GRIN2A: variants seen among roughly 807,000 people sequenced by gnomAD.
GRIN2A encodes the protein glutamate receptor ionotropic, NMDA 2A.
A neutral mutation model predicts 113.4 loss-of-function variants in GRIN2A; 22 were observed. The ratio of observed to expected loss-of-function variants is 0.19; its 90% confidence interval spans 0.14 to 0.28. The LOEUF is 0.28. Ranked by LOEUF, GRIN2A falls within the 10% of genes least tolerant of loss-of-function variation. The probability of loss-of-function intolerance (pLI) is 1.00; values close to 1 mark genes in which losing one functional copy is unlikely to be tolerated. For missense variants in GRIN2A, 1,502 were observed against 1,887.0 expected, an observed-to-expected ratio of 0.80 and a Z score of 3.78; for synonymous variants, 827 against 738.4, an observed-to-expected ratio of 1.12 and a Z score of -1.94.
chr16:9,877,114 T>C (rs1015312246), intron 4 of GRIN2A, among the ~76,000 whole-genome samples: 1 of 152,186 alleles, frequency 6.6e-6, no homozygotes, highest in African/African-American at 2.4e-5. Context: ...ATTTGAATCC[T>C]TTCTCAGCTA....
rs562833508 is a variant in GRIN2A at position 9,769,950 on chromosome 16, C to T, written c.2357-861G>A. ...ATTGAAAAGAGACATCCAGCTGGCT[C>T]TGAATGGCCCCTTGCAAACTAAACT... On this transcript the variant is annotated intron_variant, in intron 11 of 12. Transcript: ENST00000330684. Among the ~76,000 whole-genome samples, 9 of 152,302 alleles carry T rather than the reference C, an allele frequency of 5.9e-5. No homozygotes were observed. The East Asian group carries it at 1.7e-3, about 29-fold the overall frequency.
At chr16:10,125,571 G>A (rs2048915571) in intron 2 of GRIN2A, among the ~76,000 whole-genome samples, 1 of 149,838 alleles carries the variant, frequency 6.7e-6, no homozygotes, top group African/African-American at 2.5e-5. Flanking sequence ...CAGCAAGTCT[G>A]AAGGCTGAGA....
chr16:10,155,850 A>T (rs557584289), intron 2 of GRIN2A, among the ~76,000 whole-genome samples: 1 of 152,290 alleles, frequency 6.6e-6, no homozygotes, highest in South Asian at 2.1e-4. Flanking sequence ...CACGGGAAAG[A>T]CCTGCCCCCA....
Position 10,057,710 on chromosome 16 carries a change from AC to A in GRIN2A, c.415-119160del, listed in dbSNP as rs368070869. Among the ~76,000 whole-genome samples the A allele has an allele frequency of 1.5e-4, 23 of 152,120 alleles. No individual in the cohort carries two copies. In the South Asian group the frequency reaches 4.8e-3, roughly 32 times the overall value. On this transcript the variant is annotated intron_variant, in intron 2 of 12. Transcript: ENST00000330684. ...ATTGGGCTTTGGGTAAGTGCTACAC[AC>A]TCTCAGAGGACAGGGAGTCCACTGA...
intron 5 of GRIN2A, among the ~76,000 whole-genome samples, chr16:9,846,497 G>A (rs563506908): frequency 1.9e-4 from 29 of 152,282 alleles, no homozygotes; most frequent in East Asian, 1.5e-3. Flanking sequence ...TGCATCTTGT[G>A]TGATAATAGC....
At chr16:10,123,336 CT>C (rs926362171) in intron 2 of GRIN2A, among the ~76,000 whole-genome samples, 2 of 152,012 alleles carry the variant, frequency 1.3e-5, no homozygotes, top group African/African-American at 2.4e-5. Flanking sequence ...GAAGCAGCCT[CT>C]TTTTTTTAAA....
At chr16:9,816,022 C>G (rs1398674184) in intron 10 of GRIN2A, among the ~76,000 whole-genome samples, 5 of 152,120 alleles carry the variant, frequency 3.3e-5, no homozygotes, top group Non-Finnish European at 7.4e-5. Context: ...AGACAAATAC[C>G]GTATGATTCC....
At chr16:10,108,714 T>C (rs947834963) in intron 2 of GRIN2A, among the ~76,000 whole-genome samples, 10 of 152,196 alleles carry the variant, frequency 6.6e-5, no homozygotes, top group Non-Finnish European at 7.3e-5. Flanking sequence ...TGTGCTAGCA[T>C]ACTTGGAAAC....
At chr16:10,100,987 G>A (rs932594136) in intron 2 of GRIN2A, among the ~76,000 whole-genome samples, 1 of 152,198 alleles carries the variant, frequency 6.6e-6, no homozygotes, top group African/African-American at 2.4e-5. Context: ...GGGGGTGCAG[G>A]TTACTGACAT....
chr16:10,039,765 GGAGGGA>G lies in GRIN2A; in HGVS notation c.415-101220_415-101215del, dbSNP rs1224493162. 8.0e-5 allele frequency among the ~76,000 whole-genome samples: 9 copies of G among 112,964 alleles called. No homozygotes were observed. In the East Asian group the frequency reaches 1.9e-3, roughly 24 times the overall value. The allele number at this position is 112,964 out of a possible 152,430, so 74.1% of individuals were successfully genotyped here. The stretch of plus-strand genomic sequence containing the variant: ...TGAGGAGCCTGAGCAAATGTGCAAG[GGAGGGA>G]GAGGGAGGGGGAGGGGGAGGGGGAG... On this transcript the variant is annotated intron_variant, in intron 2 of 12. Coordinates refer to ENST00000330684, the MANE Select transcript of GRIN2A (RefSeq NM_001134407.3).
At chr16:10,077,852 T>A (rs1418323414) in intron 2 of GRIN2A, among the ~76,000 whole-genome samples, 3 of 152,222 alleles carry the variant, frequency 2.0e-5, no homozygotes, top group Non-Finnish European at 4.4e-5. Flanking sequence ...AAATACCATT[T>A]TTTTTGGTGA....
chr16:9,857,085 A>T (rs562373294), intron 4 of GRIN2A, among the ~76,000 whole-genome samples: 2 of 152,130 alleles, frequency 1.3e-5, no homozygotes, highest in African/African-American at 4.8e-5. Context: ...AAAAATTCCA[A>T]TGTAGGGGTA....
intron 4 of GRIN2A, among the ~76,000 whole-genome samples, chr16:9,853,745 A>C (rs2042922602): frequency 6.6e-6 from 1 of 152,140 alleles, no homozygotes; most frequent in African/African-American, 2.4e-5. Flanking sequence ...AATTATGGAA[A>C]TGTTCAAATG....
intron 2 of GRIN2A, among the ~76,000 whole-genome samples, chr16:10,119,989 G>A (rs964914574): frequency 1.3e-5 from 2 of 152,164 alleles, no homozygotes; most frequent in African/African-American, 4.8e-5. Flanking sequence ...ACCATTGATG[G>A]GCGTTTAGGT....
intron 2 of GRIN2A, among the ~76,000 whole-genome samples, chr16:10,084,502 T>C (rs534156315): frequency 1.3e-5 from 2 of 152,176 alleles, no homozygotes; most frequent in South Asian, 2.1e-4. Context: ...TTCCTGTTCA[T>C]AGGCGGCAAG....
At chr16:10,017,792 T>C (rs1479617625) in intron 2 of GRIN2A, among the ~76,000 whole-genome samples, 1 of 151,776 alleles carries the variant, frequency 6.6e-6, no homozygotes, top group Non-Finnish European at 1.5e-5. Context: ...TTTAATATGA[T>C]ATTTTTACAA....
chr16:10,138,594 G>T (rs1359143634), intron 2 of GRIN2A, among the ~76,000 whole-genome samples: 2 of 152,052 alleles, frequency 1.3e-5, no homozygotes, highest in African/African-American at 4.8e-5. Context: ...GACACGTGGG[G>T]ATTACAATTT....
intron 2 of GRIN2A, among the ~76,000 whole-genome samples, chr16:10,153,097 A>G (rs1339469694): frequency 6.6e-6 from 1 of 152,212 alleles, no homozygotes; most frequent in Non-Finnish European, 1.5e-5. Flanking sequence ...TTTAGGCGAT[A>G]ATTTTGTGTC....
chr16:10,050,261 G>A (rs1410182822), intron 2 of GRIN2A, among the ~76,000 whole-genome samples: 1 of 152,136 alleles, frequency 6.6e-6, no homozygotes, highest in Non-Finnish European at 1.5e-5. Flanking sequence ...AACAAATACA[G>A]GTGACCTCTG....
Sources: gnomAD v4.1 joint callset for allele counts (sites outside exome capture counted in the v4.1 genomes callset) on GRCh38, gnomAD v4.1.1 for gene constraint, MANE v1.5 for transcripts, NCBI Gene and HGNC (gene_info 2026-07-23, HGNC 2026-07-21) for gene names.